Variants in CCDC88C observed in about 807,000 individuals in gnomAD.
The protein encoded by CCDC88C is coiled-coil and HOOK domain protein 88C, also known as protein Daple.
In CCDC88C, 131 loss-of-function variants were observed where a neutral mutation model predicts 198.8. The ratio of observed to expected loss-of-function variants is 0.66; its 90% CI spans 0.57 to 0.76. The LOEUF is 0.76. Among genes scored for constraint, CCDC88C ranks in the 30% least tolerant of loss-of-function variants. The pLI is 0.00. For synonymous variants in CCDC88C, 1,166 were observed against 1,114.7 expected (o/e 1.05, Z -0.92); for missense variants, 2,553 against 2,631.6 (o/e 0.97, Z 0.65).
intron 25 of CCDC88C, among the ~76,000 whole-genome samples, chr14:91,285,129 C>G (rs1890347492): frequency 6.6e-6 from 1 of 152,188 alleles, no homozygotes; most frequent in South Asian, 2.1e-4. Context: ...CTGAATGGAG[C>G]AATCAATCCT....
chr14:91,337,922 C>T (rs1893119797), intron 10 of CCDC88C, 83 bp downstream of exon 10: 4 of 1,537,008 alleles, frequency 2.6e-6, no homozygotes, highest in Non-Finnish European at 2.7e-6. Flanking sequence ...CTCCTCCAAG[C>T]CCCCAAGGAC....
Position 91,279,390 on chromosome 14 carries a change from A to C in CCDC88C, c.4700-84T>G, listed in dbSNP as rs926971053. ...AGCCATCTAAGAAAAACGATGCAGC[A>C]AAACAATCCCATGCCAAAGCTAAGC... On this transcript the variant is annotated intron_variant, in intron 27 of 29. Transcript: ENST00000389857. 13 of 1,167,324 alleles carry C rather than the reference A, an allele frequency of 1.1e-5. No individual in the cohort carries two copies. In the Admixed American group the frequency reaches 2.8e-4, roughly 25 times the overall value. 72.3% of individuals were successfully genotyped at this position (1,167,324 alleles called of 1,614,324 possible).
At chr14:91,417,380 CGCCCGGCTCCTG>C (rs1887120417) in intron 1 of CCDC88C, 1 of 585,052 alleles carries the variant, frequency 1.7e-6, no homozygotes, top group African/African-American at 1.9e-5. Context: ...CAGGTGTACC[CGCCCGGCTCCTG>C]GCCCGGCCGA....
At chr14:91,355,800 G>A (rs1894018445) in intron 4 of CCDC88C, among the ~76,000 whole-genome samples, 1 of 152,054 alleles carries the variant, frequency 6.6e-6, no homozygotes, top group Non-Finnish European at 1.5e-5. Flanking sequence ...CCTTTTTTAG[G>A]TCAGAGAAAG....
chr14:91,405,327 C>T (rs1886425476), intron 3 of CCDC88C, among the ~76,000 whole-genome samples: 2 of 152,252 alleles, frequency 1.3e-5, no homozygotes, highest in South Asian at 4.1e-4. Flanking sequence ...AATGCGCGAC[C>T]TTGATGTGTC....
rs181191698 is a variant in CCDC88C, at chr14:91,339,672, C to T, written c.625-210G>A. 1.5e-3 allele frequency among the ~76,000 whole-genome samples: 226 copies of T among 152,246 alleles called. No homozygotes were observed. Among genetic ancestry groups the T allele is most frequent in the African/African-American group, 5.0e-3 (209 of 41,544 alleles). ...AAGGGAGTGTACGAAGGAGGAGGGCCCCAAGCTCCGCGTCCTGATTCCCTG... is the reference window on the plus strand; with the variant it reads ...AAGGGAGTGTACGAAGGAGGAGGGCTCCAAGCTCCGCGTCCTGATTCCCTG... On this transcript the variant is annotated intron_variant, in intron 7 of 29. Coordinates refer to ENST00000389857, the MANE Select transcript of CCDC88C (RefSeq NM_001080414.4). This position sits in a 1 kb window ranked among gnomAD's most constrained non-coding sequence, Gnocchi z 5.8.
Position 91,416,785 on chromosome 14 carries a change from G to A in CCDC88C, c.114C>T (p.Tyr38=), listed in dbSNP as rs45437097. ...AAAAGATGCCGTCCACTAAATCCAT[G>A]TACATAGTCAGGTTGTCCTGGCTGC... ...GSGSQDNLTM[Y]MDLVDGIFLN... Residue 38 remains tyrosine (Y), a synonymous_variant, in exon 2 of 30, where the codon TAC becomes TAT. Transcript: ENST00000389857. 0.22 allele frequency: 350,450 copies of A among 1,612,464 alleles called. 41,649 individuals are homozygous for A. The highest frequency in any genetic ancestry group is 0.25 in the Non-Finnish European group (295,385 of 1,178,776).
chr14:91,338,121 G>T lies in CCDC88C; in HGVS notation c.934C>A (p.Arg312=). The change falls in exon 10 of 30, where the codon CGA becomes AGA. Residue 312 remains arginine, a synonymous_variant. Transcript: ENST00000389857. This position sits in a 1 kb window ranked among gnomAD's most constrained non-coding sequence, Gnocchi z 4.8. ...TCCCGCAGGGAATCCAGCTCGTCTC[G>T]ATAGGCACGAGCAGACCGGGCGTCT... ...AADARSARAY[R]DELDSLREKA... The T allele has an allele frequency of 1.2e-6, 2 of 1,613,898 alleles. No homozygotes were observed. The highest frequency in any genetic ancestry group is 1.7e-6 in the Non-Finnish European group (2 of 1,179,884).
chr14:91,324,644 G>A, intron 12 of CCDC88C, 135 bp downstream of exon 12: 3 of 1,122,876 alleles, frequency 2.7e-6, no homozygotes, highest in South Asian at 2.9e-5. Context: ...AGTTCCAAGT[G>A]GAGCTTGAAG....
chr14:91,390,437 G>A lies in CCDC88C; in HGVS notation c.270+18222C>T, dbSNP rs551121513. On this transcript the variant is annotated intron_variant, in intron 3 of 29. Coordinates refer to ENST00000389857, the MANE Select transcript of CCDC88C (RefSeq NM_001080414.4). ...GTATGCCCCGTGCTCTGTGCTAAAT[G>A]AAGAAAAACCAAGCTGGCATCTCAG... 1.9e-3 allele frequency among the ~76,000 whole-genome samples: 282 copies of A among 152,182 alleles called. 3 individuals carry two copies. The highest frequency in any genetic ancestry group is 3.3e-3 in the Non-Finnish European group (224 of 68,010).
At chr14:91,378,071 C>A (rs543015696) in intron 3 of CCDC88C, among the ~76,000 whole-genome samples, 1 of 152,320 alleles carries the variant, frequency 6.6e-6, no homozygotes, top group Admixed American at 6.5e-5. Flanking sequence ...TGACCTCTGG[C>A]CCTGTGGAGA....
intron 10 of CCDC88C, among the ~76,000 whole-genome samples, chr14:91,326,287 C>T (rs1486680589): frequency 6.6e-6 from 1 of 152,054 alleles, no homozygotes; most frequent in Non-Finnish European, 1.5e-5. Context: ...GATCTCAGCT[C>T]ACTGCAACCT....
rs2139857965 is a variant in CCDC88C, at chr14:91,338,418, C to T, written c.891+71G>A. 7.4e-7 allele frequency: 1 copy of T among 1,359,682 alleles called. No homozygotes were observed. The highest frequency in any genetic ancestry group is 1.0e-6 in the Non-Finnish European group (1 of 973,112). 84.2% of individuals were successfully genotyped at this position (1,359,682 alleles called of 1,614,324 possible). On this transcript the variant is annotated intron_variant, in intron 9 of 29. Coordinates refer to ENST00000389857, the MANE Select transcript of CCDC88C (RefSeq NM_001080414.4). This position sits in a 1 kb window ranked among gnomAD's most constrained non-coding sequence, Gnocchi z 4.8. ...AAGCGCTGCTGTTGAGCTCCTGACC[C>T]TCCAGGCCCCGTTACTGGACACTCC...
At chr14:91,312,377 G>A (rs976208166) in intron 15 of CCDC88C, among the ~76,000 whole-genome samples, 2 of 151,582 alleles carry the variant, frequency 1.3e-5, no homozygotes, top group African/African-American at 4.9e-5. Flanking sequence ...GACAAAGCAA[G>A]ATTCTGTCTC....
intron 3 of CCDC88C, among the ~76,000 whole-genome samples, chr14:91,388,239 A>G (rs1211952056): frequency 6.6e-6 from 1 of 152,216 alleles, no homozygotes; most frequent in Non-Finnish European, 1.5e-5. Flanking sequence ...TAACCAATGT[A>G]TGACCAGATT....
chr14:91,384,624 C>T (rs558055036), intron 3 of CCDC88C: 90 of 399,466 alleles, frequency 2.3e-4, no homozygotes, highest in Non-Finnish European at 3.8e-4. Flanking sequence ...ACACTACGCA[C>T]TGGCACCGGG....
intron 2 of CCDC88C, among the ~76,000 whole-genome samples, chr14:91,411,566 C>T (rs536158152): frequency 1.3e-4 from 20 of 152,234 alleles, no homozygotes; most frequent in African/African-American, 3.1e-4. Flanking sequence ...TCAGAGGACA[C>T]GACATAAATA....
At chr14:91,330,649 A>C (rs1013330192) in intron 10 of CCDC88C, among the ~76,000 whole-genome samples, 1 of 152,102 alleles carries the variant, frequency 6.6e-6, no homozygotes, top group Non-Finnish European at 1.5e-5. Context: ...GAAGACAAAG[A>C]ACCAAGGTGG....
intron 3 of CCDC88C, among the ~76,000 whole-genome samples, chr14:91,369,259 T>C (rs562024204): frequency 7.2e-5 from 11 of 152,182 alleles, no homozygotes; most frequent in African/African-American, 2.6e-4. Flanking sequence ...CAGGCTGGAG[T>C]GCAATGGCGT....
Sources: allele counts gnomAD v4.1 joint callset (sites outside exome capture counted in the v4.1 genomes callset), GRCh38; gene constraint gnomAD v4.1.1; non-coding constraint Gnocchi (gnomAD v3.1); transcripts MANE v1.5; gene names NCBI Gene and HGNC (gene_info 2026-07-23, HGNC 2026-07-21).